ABCB5: variants seen among roughly 807,000 people sequenced by gnomAD.
ABCB5 encodes ATP-binding cassette sub-family B member 5.
Under a neutral mutation model 144.2 loss-of-function variants are expected in ABCB5, and 155 were observed. The ratio of observed to expected loss-of-function variants is 1.08; its 90% CI spans 0.94 to 1.23. The LOEUF is 1.23. Ranked by LOEUF, ABCB5 falls within the 50% of genes most tolerant of loss-of-function variation. The pLI is 0.00. For synonymous variants in ABCB5, 610 were observed against 528.6 expected (o/e 1.15, Z -2.11); for missense variants, 1,830 against 1,520.8 (o/e 1.20, Z -3.38).
At position 20,685,744 on chromosome 7, in the gene ABCB5, G is replaced by C; in HGVS notation, c.1918G>C (p.Glu640Gln). Residue 640 changes from glutamate to glutamine, a missense_variant, in exon 16 of 28, where the codon GAA becomes CAA. Glu to Gln is a conservative substitution (Grantham distance 29). Coordinates refer to ENST00000404938, the MANE Select transcript of ABCB5 (RefSeq NM_001163941.2). ...EQMESMTYST[E>Q]RKTNSLPLHS... ...GATGGAGTCAATGACATATTCTACTGAAAGAAAGACCAACTCACTTCCTCT... is the reference window on the plus strand; with the variant it reads ...GATGGAGTCAATGACATATTCTACTCAAAGAAAGACCAACTCACTTCCTCT... 1 of 1,613,246 alleles carries C rather than the reference G, an allele frequency of 6.2e-7. No individual in the cohort carries two copies. The highest frequency in any genetic ancestry group is 8.5e-7 in the Non-Finnish European group (1 of 1,179,372).
chr7:20,628,247 G>A (rs1461870059), intron 3 of ABCB5, among the ~76,000 whole-genome samples: 1 of 152,082 alleles, frequency 6.6e-6, no homozygotes, highest in Non-Finnish European at 1.5e-5. Flanking sequence ...CTATGAGTGA[G>A]AACATGCGGT....
In ABCB5 at chr7:20,647,388, T is replaced by C. The variant is rs1398051319; in HGVS notation, c.982-147T>C. 3.6e-6 allele frequency: 5 copies of C among 1,380,480 alleles called. No homozygotes were observed. The East Asian group carries it at 1.4e-4, about 38-fold the overall frequency. The allele number at this position is 1,380,480 out of a possible 1,614,324, so 85.5% of individuals were successfully genotyped here. On this transcript the variant is annotated intron_variant, in intron 9 of 27. Transcript: ENST00000404938. ...CTAAGATCAAGTGTAATCTGTGTTC[T>C]TTTTTATTTGGTCATATCTTCCATT...
At chr7:20,700,401 C>T (rs1162721548) in intron 19 of ABCB5, among the ~76,000 whole-genome samples, 1 of 152,182 alleles carries the variant, frequency 6.6e-6, no homozygotes, top group Non-Finnish European at 1.5e-5. Flanking sequence ...ACAAATCTTT[C>T]TTTTAATGAA....
At position 20,681,572 on chromosome 7, in the gene ABCB5, TTG is replaced by T. The variant is rs777775522; in HGVS notation, c.1778_1779del (p.Val593AspfsTer15). 18 of 1,614,150 alleles carry T rather than the reference TTG, an allele frequency of 1.1e-5. No individual in the cohort carries two copies. Among genetic ancestry groups the T allele is most frequent in the Non-Finnish European group, 1.4e-5 (17 of 1,180,022 alleles). ...TCTACTATTCGAAGTGCAGATTTGA[TTG>T]TGACCCTAAAGGATGGAATGCTGGC... is the stretch of plus-strand genomic sequence containing the variant. On this transcript the variant is annotated frameshift_variant, in exon 15 of 28. Coordinates refer to ENST00000404938, the MANE Select transcript of ABCB5 (RefSeq NM_001163941.2). LOFTEE classifies it high-confidence loss of function.
intron 11 of ABCB5, among the ~76,000 whole-genome samples, chr7:20,649,723 A>G (rs1208850582): frequency 6.6e-6 from 1 of 152,230 alleles, no homozygotes; most frequent in African/African-American, 2.4e-5. Context: ...CATTAACTTG[A>G]TAGTCAAAAT....
chr7:20,680,524 T>G (rs1188708905), intron 14 of ABCB5, among the ~76,000 whole-genome samples: 3 of 150,274 alleles, frequency 2.0e-5, no homozygotes, highest in African/African-American at 7.4e-5. Flanking sequence ...GAGCCGAGAT[T>G]GCGCCACTGC....
chr7:20,666,279 G>C (rs761338016), intron 14 of ABCB5, among the ~76,000 whole-genome samples: 13 of 152,182 alleles, frequency 8.5e-5, no homozygotes, highest in Admixed American at 7.2e-4. Context: ...CAGTGAGTGG[G>C]AACTTGTGTT....
intron 20 of ABCB5, among the ~76,000 whole-genome samples, chr7:20,721,530 G>A (rs760468715): frequency 6.6e-6 from 1 of 152,094 alleles, no homozygotes; most frequent in South Asian, 2.1e-4. Context: ...CCCACTTTTA[G>A]TGTGTCTTCC....
chr7:20,625,914 G>A (rs1460265787), intron 2 of ABCB5, among the ~76,000 whole-genome samples: 2 of 152,250 alleles, frequency 1.3e-5, no homozygotes, highest in South Asian at 2.1e-4. Context: ...TCAACAAAAC[G>A]TGGCAAAAAC....
chr7:20,751,515 A>G (rs1316406029), intron 26 of ABCB5, among the ~76,000 whole-genome samples: 1 of 152,128 alleles, frequency 6.6e-6, no homozygotes, highest in Admixed American at 6.5e-5. Context: ...AAAAACCTTC[A>G]TCCAATATGT....
At chr7:20,638,882 G>A (rs1364074314) in intron 5 of ABCB5, among the ~76,000 whole-genome samples, 1 of 152,078 alleles carries the variant, frequency 6.6e-6, no homozygotes, top group Non-Finnish European at 1.5e-5. Context: ...ACCTAGGAGT[G>A]GAATTGCTGG....
intron 11 of ABCB5, among the ~76,000 whole-genome samples, chr7:20,648,773 G>C (rs979741962): frequency 3.3e-5 from 5 of 152,156 alleles, no homozygotes; most frequent in African/African-American, 1.2e-4. Context: ...TACAGAATTT[G>C]TATAAAGACC....
At chr7:20,620,316 GA>G (rs1159368055) in intron 1 of ABCB5, among the ~76,000 whole-genome samples, 1 of 151,914 alleles carries the variant, frequency 6.6e-6, no homozygotes, top group African/African-American at 2.4e-5. Flanking sequence ...AAACACATGG[GA>G]AAAAATTTTT....
At chr7:20,649,838 T>C (rs1238467952) in intron 11 of ABCB5, among the ~76,000 whole-genome samples, 184 bp from the exon 12 acceptor site, 1 of 152,236 alleles carries the variant, frequency 6.6e-6, no homozygotes, top group Non-Finnish European at 1.5e-5. Flanking sequence ...ATAGATTCTT[T>C]TACTACTATT....
At chr7:20,655,845 A>T (rs947007862) in intron 13 of ABCB5, among the ~76,000 whole-genome samples, 1 of 99,640 alleles carries the variant, frequency 1.0e-5, no homozygotes, top group African/African-American at 4.4e-5. Context: ...AAGACCAACA[A>T]TAGCCAAAAC....
rs554138543 is a variant in ABCB5 at position 20,702,030 on chromosome 7, C to T, written c.2337+1895C>T. Among the ~76,000 whole-genome samples the T allele has an allele frequency of 2.6e-5, 4 of 152,232 alleles. No homozygotes were observed. The South Asian group carries it at 8.3e-4, about 32-fold the overall frequency. ...AATTTAACAACCGTGCTCAGACTTG[C>T]AGTGCTTTTTATAACCATTGTGAAA... On this transcript the variant is annotated intron_variant, in intron 19 of 27. Transcript: ENST00000404938.
chr7:20,662,550 A>C (rs1785035864), intron 14 of ABCB5, among the ~76,000 whole-genome samples: 1 of 152,220 alleles, frequency 6.6e-6, no homozygotes, highest in Non-Finnish European at 1.5e-5. Flanking sequence ...TGTATTTGGA[A>C]TTTTGAAAAA....
At chr7:20,699,590 A>C (rs1583434131) in intron 17 of ABCB5, among the ~76,000 whole-genome samples, 2 of 151,884 alleles carry the variant, frequency 1.3e-5, no homozygotes, top group Middle Eastern at 6.8e-3. Context: ...AATCCCAGCT[A>C]CTCGGGAGGC....
At chr7:20,753,538 A>C in intron 27 of ABCB5, 32 bp downstream of exon 27, 1 of 1,591,300 alleles carries the variant, frequency 6.3e-7, no homozygotes, top group Middle Eastern at 1.7e-4. Context: ...TCAGAATATA[A>C]TACCAAATAT....
Sources: gnomAD v4.1 joint callset for allele counts (sites outside exome capture counted in the v4.1 genomes callset) on GRCh38, gnomAD v4.1.1 for gene constraint, MANE v1.5 for transcripts, NCBI Gene and HGNC (gene_info 2026-07-23, HGNC 2026-07-21) for gene names.